The following MBTPS2 variants were observed in gnomAD, a reference collection of about 807,000 sequenced individuals.
MBTPS2 encodes the protein membrane bound transcription factor peptidase, site 2.
Under a neutral mutation model 35.4 loss-of-function variants are expected in MBTPS2, and 2 were observed. That is an observed-to-expected ratio of 0.06 (90% CI 0.02 to 0.18). MBTPS2 has a LOEUF of 0.18. Ranked by LOEUF, MBTPS2 falls within the 10% of genes least tolerant of loss-of-function variation. The pLI, the probability that MBTPS2 is intolerant of heterozygous loss-of-function variation, is 1.00. For missense variants in MBTPS2, 244 were observed against 386.5 expected, an observed-to-expected ratio of 0.63 and a Z score of 3.09; for synonymous variants, 125 against 140.4, an observed-to-expected ratio of 0.89 and a Z score of 0.77.
rs1247863023 is a variant in MBTPS2 at position 21,878,654 on chromosome X, T to C, written c.1223T>C (p.Met408Thr). 2 of 1,206,110 alleles carry C rather than the reference T, an allele frequency of 1.7e-6. No homozygotes were observed. Among genetic ancestry groups the C allele is most frequent in the African/African-American group, 1.8e-5 (1 of 57,008 alleles). The change falls in exon 9 of 11, where the codon ATG becomes ACG. Residue 408 changes from methionine (M) to threonine (T), a missense_variant. Transcript: ENST00000379484. ...GTAAAACACCCACCTCAGATTGATATGTTATACGTAGGACATCCTCTGCAT... is the reference window on the plus strand; with the variant it reads ...GTAAAACACCCACCTCAGATTGATACGTTATACGTAGGACATCCTCTGCAT... ...IKVKHPPQIDMLYVGHPLHLH... is the reference protein window; with the variant it reads ...IKVKHPPQIDTLYVGHPLHLH...
In MBTPS2 at chrX:21,884,634, T is replaced by C. The variant is rs1417486684; in HGVS notation, c.*1979T>C. 13 of 753,741 alleles carry C rather than the reference T, an allele frequency of 1.7e-5. No individual in the cohort carries two copies. Among genetic ancestry groups the C allele is most frequent in the Non-Finnish European group, 2.0e-5 (13 of 638,750 alleles). The allele number at this position is 753,741 out of a possible 1,213,427, so 62.1% of individuals were successfully genotyped here. On this transcript the variant is annotated 3_prime_UTR_variant, in exon 11 of 11. Transcript: ENST00000379484. ...CATTTGTATAAAACCGGCCTCATTA[T>C]GTAAGAAAGAAAATGTTACGTGTTT...
chrX:21,883,502 CT>C lies in MBTPS2; in HGVS notation c.*849del. On this transcript the variant is annotated 3_prime_UTR_variant, in exon 11 of 11. Transcript: ENST00000379484. ...CCCCAGAGGATCTTCAGCAGTCCTA[CT>C]TCCCATTCTCTATAGAGCTTTGAAG... is the stretch of plus-strand genomic sequence containing the variant. 1.3e-6 allele frequency: 1 copy of C among 753,823 alleles called. No individual in the cohort carries two copies. The highest frequency in any genetic ancestry group is 1.6e-6 in the Non-Finnish European group (1 of 639,097). 62.1% of individuals were successfully genotyped at this position (753,823 alleles called of 1,213,427 possible).
chrX:21,840,594 TG>T (rs1007031932), intron 1 of MBTPS2, among the ~76,000 whole-genome samples: 20 of 111,613 alleles, frequency 1.8e-4, no homozygotes, highest in Non-Finnish European at 1.9e-4. Flanking sequence ...AATTGAGTAC[TG>T]GGGGGTAGGG....
At chrX:21,868,047 A>G (rs903407800) in intron 5 of MBTPS2, among the ~76,000 whole-genome samples, 3 of 110,438 alleles carry the variant, frequency 2.7e-5, no homozygotes, top group African/African-American at 9.9e-5. Flanking sequence ...TCTTAAAACA[A>G]CCTCCTTTTT....
chrX:21,856,392 C>CT (rs2092922354), intron 5 of MBTPS2: 2 of 1,023,702 alleles, frequency 2.0e-6, no homozygotes, highest in Non-Finnish European at 2.6e-6. Flanking sequence ...TCCTCTGCAG[C>CT]TCGCCCCTTC....
chrX:21,863,125 G>T (rs2092935105), intron 5 of MBTPS2, among the ~76,000 whole-genome samples: 1 of 96,839 alleles, frequency 1.0e-5, no homozygotes, highest in Admixed American at 1.2e-4. Flanking sequence ...AAAACTAGCC[G>T]AGCATGCTGG....
intron 5 of MBTPS2, among the ~76,000 whole-genome samples, chrX:21,854,406 A>G (rs2092918060): frequency 8.9e-6 from 1 of 112,370 alleles, no homozygotes; most frequent in Non-Finnish European, 1.9e-5. Flanking sequence ...TGAAAGAAAG[A>G]TGCCCTTAGT....
Position 21,853,582 on chromosome X carries a change from A to G in MBTPS2, c.670+79A>G, listed in dbSNP as rs936678188. On this transcript the variant is annotated intron_variant, in intron 5 of 10. Transcript: ENST00000379484. ...CTATGGTTAGTGCTTTTTGGAAAAT[A>G]TATCACAAATGACAATATCTTATCT... The G allele has an allele frequency of 2.3e-5, 22 of 942,232 alleles. No homozygotes were observed. In the Admixed American group the frequency reaches 3.8e-4, roughly 16 times the overall value. 77.7% of individuals were successfully genotyped at this position (942,232 alleles called of 1,213,427 possible).
intron 5 of MBTPS2, among the ~76,000 whole-genome samples, chrX:21,862,547 A>G (rs2147442568): frequency 9.2e-6 from 1 of 108,661 alleles, no homozygotes; most frequent in Admixed American, 1.0e-4. Flanking sequence ...GGCTCACGTG[A>G]GCCTGTAATC....
Position 21,862,069 on chromosome X carries a change from A to G in MBTPS2, c.671-6398A>G, listed in dbSNP as rs773107828. The stretch of plus-strand genomic sequence containing the variant: ...TGTCTTGTTAGCTCTGCTATTCCCA[A>G]CATGCAGCTTCTGTGTCGTGGACCT... On this transcript the variant is annotated intron_variant, in intron 5 of 10. Transcript: ENST00000379484. Among the ~76,000 whole-genome samples the G allele has an allele frequency of 1.3e-3, 144 of 111,542 alleles. 1 individual carries two copies. The highest frequency in any genetic ancestry group is 4.3e-3 in the African/African-American group (132 of 30,718).
intron 3 of MBTPS2, among the ~76,000 whole-genome samples, chrX:21,851,185 G>C (rs2092914283): frequency 1.8e-5 from 2 of 111,370 alleles, no homozygotes; most frequent in Non-Finnish European, 3.8e-5. Context: ...GCATTCCTTG[G>C]CACTTTGCTG....
chrX:21,883,913 T>G lies in MBTPS2; in HGVS notation c.*1258T>G. 2.7e-6 allele frequency: 2 copies of G among 753,962 alleles called. No homozygotes were observed. The highest frequency in any genetic ancestry group is 3.1e-6 in the Non-Finnish European group (2 of 639,312). The allele number at this position is 753,962 out of a possible 1,213,427, so 62.1% of individuals were successfully genotyped here. A position where few individuals can be genotyped will look rare whatever the true frequency, so the allele number is the denominator to read the frequency against. On this transcript the variant is annotated 3_prime_UTR_variant, in exon 11 of 11. Transcript: ENST00000379484. The stretch of plus-strand genomic sequence containing the variant: ...CAGCAGGCCAGTGTGAAGCTATTGG[T>G]CCTAGGAGTATATGAGCTTGCTGTT...
rs1449216596 is a variant in MBTPS2 at position 21,849,300 on chromosome X, A to G, written c.439-2209A>G. On this transcript the variant is annotated intron_variant, in intron 3 of 10. Transcript: ENST00000379484. ...TACAAAGGACCAATGCTGATATTTG[A>G]AGTGATCTTACGGATCAGTAAGAAA... Among the ~76,000 whole-genome samples, 3 of 112,576 alleles carry G rather than the reference A, an allele frequency of 2.7e-5. No homozygotes were observed. The East Asian group carries it at 8.4e-4, about 31-fold the overall frequency.
chrX:21,851,490 A>G lies in MBTPS2; in HGVS notation c.439-19A>G, dbSNP rs2092914615. 1 of 1,072,117 alleles carries G rather than the reference A, an allele frequency of 9.3e-7. No homozygotes were observed. The highest frequency in any genetic ancestry group is 1.3e-6 in the Non-Finnish European group (1 of 768,361). The allele number at this position is 1,072,117 out of a possible 1,213,427, so 88.4% of individuals were successfully genotyped here. ...TGCACCCCCACTGATAATTGCTGCC[A>G]TATTGTGTCTATGAACAGGTTCCTG... On this transcript the variant is annotated intron_variant, in intron 3 of 10. Transcript: ENST00000379484.
Position 21,884,804 on chromosome X carries a change from A to G in MBTPS2, c.*2149A>G. 3.0e-6 allele frequency: 2 copies of G among 677,724 alleles called. No individual in the cohort carries two copies. Among genetic ancestry groups the G allele is most frequent in the Non-Finnish European group, 3.5e-6 (2 of 569,561 alleles). The allele number at this position is 677,724 out of a possible 1,213,427, so 55.9% of individuals were successfully genotyped here. ...TTAGTGTTATTTATGGATTAGAAAA[A>G]GCATGTTTCTATTTAAGTAAGCTGT... On this transcript the variant is annotated 3_prime_UTR_variant, in exon 11 of 11. Transcript: ENST00000379484.
chrX:21,860,531 G>A (rs1234439399), intron 5 of MBTPS2, among the ~76,000 whole-genome samples: 1 of 112,458 alleles, frequency 8.9e-6, no homozygotes, highest in Non-Finnish European at 1.9e-5. Flanking sequence ...TCATTAATGG[G>A]CAAGAGGTTG....
intron 9 of MBTPS2, among the ~76,000 whole-genome samples, chrX:21,879,496 T>A (rs1322090633): frequency 9.0e-6 from 1 of 111,026 alleles, no homozygotes; most frequent in African/African-American, 3.3e-5. Flanking sequence ...CCCAGGCTGA[T>A]CTCAAACTCC....
chrX:21,846,773 T>G (rs760769367), intron 3 of MBTPS2, among the ~76,000 whole-genome samples: 1 of 112,003 alleles, frequency 8.9e-6, no homozygotes, highest in South Asian at 3.7e-4. Context: ...TAGGTGGGAC[T>G]GGAGGCAAGA....
chrX:21,856,150 C>G (rs1162730670), intron 5 of MBTPS2: 3 of 246,413 alleles, frequency 1.2e-5, no homozygotes, highest in Admixed American at 6.2e-5. Flanking sequence ...TGGGCGGGGT[C>G]GCAGGGTGGC....
Sources: allele counts gnomAD v4.1 joint callset (sites outside exome capture counted in the v4.1 genomes callset), GRCh38; gene constraint gnomAD v4.1.1; transcripts MANE v1.5; gene names NCBI Gene and HGNC (gene_info 2026-07-23, HGNC 2026-07-21).